The following NYAP2 variants were observed in gnomAD, a reference collection of about 807,000 sequenced individuals.
NYAP2 encodes neuronal tyrosine-phosphorylated phosphoinositide-3-kinase adapter 2.
Under a neutral mutation model 50.4 loss-of-function variants are expected in NYAP2, and 23 were observed. The observed-to-expected ratio is 0.46, with a 90% CI of 0.33 to 0.65. The LOEUF (loss-of-function observed/expected upper bound fraction) is 0.65. Ranked by LOEUF, NYAP2 falls within the 30% of genes least tolerant of loss-of-function variation. NYAP2 has a pLI of 0.02. For synonymous variants in NYAP2, 394 were observed against 365.2 expected (o/e 1.08, Z -0.90); for missense variants, 885 against 861.0 (o/e 1.03, Z -0.35).
exon 3 of NYAP2, chr2:225,409,021 T>A: frequency 6.2e-7 from 1 of 1,612,468 alleles, no homozygotes; most frequent in South Asian, 1.1e-5. Context: ...GAGAGAATGA[T>A]CGCTTGAGAA....
chr2:225,694,303 T>C, the NYAP2 span, among the ~76,000 whole-genome samples: 1 of 150,320 alleles, frequency 6.7e-6, no homozygotes, highest in African/African-American at 2.4e-5. Context: ...TTACACATCT[T>C]TTTTTTTTCT....
rs549251468 is a variant in NYAP2, at chr2:225,512,831, C to CTTTCTTTCTTTCTTTCTTTCTT, written c.222-539_222-538insTTCTTTCTTTCTTTCTTTCTTT. Among the ~76,000 whole-genome samples, 68 of 77,560 alleles carry CTTTCTTTCTTTCTTTCTTTCTT rather than the reference C, an allele frequency of 8.8e-4. 7 individuals are homozygous for CTTTCTTTCTTTCTTTCTTTCTT. Among genetic ancestry groups the CTTTCTTTCTTTCTTTCTTTCTT allele is most frequent in the African/African-American group, 3.0e-3 (62 of 20,442 alleles). 50.9% of individuals were successfully genotyped at this position (77,560 alleles called of 152,430 possible). A position where few individuals can be genotyped will look rare whatever the true frequency, so the allele number is the denominator to read the frequency against. ...TTCTTTTCTTTCTTTCTCTCTCTCT[C>CTTTCTTTCTTTCTTTCTTTCTT]TCTCTCTTTCTTTCTTTCTTTCTTC... On this transcript the variant is annotated intron_variant, in intron 3 of 6. Transcript: ENST00000636099.
intron 3 of NYAP2, among the ~76,000 whole-genome samples, chr2:225,476,188 C>T (rs568282134): frequency 7.0e-4 from 106 of 152,140 alleles, no homozygotes; most frequent in African/African-American, 2.4e-3. Flanking sequence ...CCTAGGCGGG[C>T]GGATCACGAG....
chr2:225,657,102 CTTTTTTTT>C (rs375126014), downstream of NYAP2, among the ~76,000 whole-genome samples: 12 of 101,078 alleles, frequency 1.2e-4, no homozygotes, highest in East Asian at 2.7e-4. Flanking sequence ...AATCTAATTC[CTTTTTTTT>C]TTTTTTTTTT....
chr2:225,598,712 G>A lies in NYAP2; in HGVS notation c.1618+15677G>A, dbSNP rs944756583. 4.2e-4 allele frequency among the ~76,000 whole-genome samples: 64 copies of A among 152,258 alleles called. 1 individual carries two copies. The highest frequency in any genetic ancestry group is 1.5e-3 in the African/African-American group (61 of 41,574). On this transcript the variant is annotated intron_variant, in intron 5 of 6. Transcript: ENST00000636099. ...TGCATGATAAGTGACTATCCATAAT[G>A]TTTTTTATATGTGAAAGGCTATAGA...
chr2:225,440,633 A>C (rs1689454214), intron 3 of NYAP2, among the ~76,000 whole-genome samples: 1 of 152,178 alleles, frequency 6.6e-6, no homozygotes, highest in Non-Finnish European at 1.5e-5. Context: ...TCAAGGAGAG[A>C]GTGAAAGAGA....
the NYAP2 span, among the ~76,000 whole-genome samples, chr2:225,690,108 G>C: frequency 6.6e-6 from 1 of 152,056 alleles, no homozygotes; most frequent in African/African-American, 2.4e-5. Context: ...TTTTAAAGTG[G>C]CACAAATGGT....
intron 3 of NYAP2, among the ~76,000 whole-genome samples, chr2:225,504,742 G>A (rs1690672389): frequency 6.6e-6 from 1 of 152,054 alleles, no homozygotes. Context: ...AGGCACGGTG[G>A]CTCATGCCTG....
At chr2:225,581,567 T>A (rs1452624408) in intron 4 of NYAP2, among the ~76,000 whole-genome samples, 1 of 152,222 alleles carries the variant, frequency 6.6e-6, no homozygotes, top group Non-Finnish European at 1.5e-5. Context: ...TTAGGTTTTT[T>A]TTCCTCCTGC....
chr2:225,436,579 C>T (rs1689380982), intron 3 of NYAP2, among the ~76,000 whole-genome samples: 1 of 151,956 alleles, frequency 6.6e-6, no homozygotes, highest in Non-Finnish European at 1.5e-5. Flanking sequence ...TTGCAATGAC[C>T]TTATTTCCCC....
In NYAP2 at chr2:225,476,795, A is replaced by G. The variant is rs1261537366; in HGVS notation, c.222-36576A>G. 3.3e-5 allele frequency among the ~76,000 whole-genome samples: 5 copies of G among 152,320 alleles called. 1 individual carries two copies. The South Asian group carries it at 6.2e-4, about 19-fold the overall frequency. Reference sequence around the variant, plus strand: ...CCATACAGATACAATAGACCTAAGTAACTTTAAGATACAGATAATAGTAAA... The same window carrying G: ...CCATACAGATACAATAGACCTAAGTGACTTTAAGATACAGATAATAGTAAA... On this transcript the variant is annotated intron_variant, in intron 3 of 6. Transcript: ENST00000636099.
chr2:225,418,276 C>A (rs561566738), intron 3 of NYAP2, among the ~76,000 whole-genome samples: 5 of 152,026 alleles, frequency 3.3e-5, no homozygotes, highest in Non-Finnish European at 1.5e-5. Context: ...GCAGGTGAGG[C>A]GGAGGTTAGA....
intron 4 of NYAP2, among the ~76,000 whole-genome samples, chr2:225,565,844 T>A (rs982126774): frequency 6.6e-6 from 1 of 152,200 alleles, no homozygotes. Context: ...TAAATTGGGA[T>A]TCAAATTCAG....
chr2:225,613,900 A>T (rs1692941399), intron 5 of NYAP2, among the ~76,000 whole-genome samples: 1 of 152,214 alleles, frequency 6.6e-6, no homozygotes, highest in African/African-American at 2.4e-5. Context: ...CAATAAAAAG[A>T]ACGTAGACAC....
At chr2:225,658,462 TA>T (rs1693862042), downstream of NYAP2, among the ~76,000 whole-genome samples, 1 of 152,218 alleles carries the variant, frequency 6.6e-6, no homozygotes, top group Non-Finnish European at 1.5e-5. Flanking sequence ...TTATTTGTTA[TA>T]AAAATGATAT....
At chr2:225,430,734 C>T (rs1266263711) in intron 3 of NYAP2, among the ~76,000 whole-genome samples, 1 of 151,532 alleles carries the variant, frequency 6.6e-6, no homozygotes, top group African/African-American at 2.4e-5. Context: ...TTATTAAAAC[C>T]AAAAACAAAG....
intron 3 of NYAP2, among the ~76,000 whole-genome samples, chr2:225,413,035 A>G (rs192147781): frequency 6.6e-6 from 1 of 152,146 alleles, no homozygotes; most frequent in Non-Finnish European, 1.5e-5. Flanking sequence ...CAGCACATGC[A>G]CTAGGATTTG....
At chr2:225,609,446 T>C (rs1574707277) in intron 5 of NYAP2, among the ~76,000 whole-genome samples, 1 of 152,172 alleles carries the variant, frequency 6.6e-6, no homozygotes, top group Non-Finnish European at 1.5e-5. Flanking sequence ...ACATAGCACA[T>C]TCAGCATCAG....
chr2:225,652,866 G>A (rs1387000237), exon 7 of NYAP2: 2 of 152,150 alleles, frequency 1.3e-5, no homozygotes, highest in African/African-American at 2.4e-5. Context: ...ACTTAAATAT[G>A]CAAAATAGTT....
Sources: gnomAD v4.1 joint callset for allele counts (sites outside exome capture counted in the v4.1 genomes callset) on GRCh38, gnomAD v4.1.1 for gene constraint, MANE v1.5 for transcripts, NCBI Gene and HGNC (gene_info 2026-07-23, HGNC 2026-07-21) for gene names.